GRID2IP: variants seen among roughly 807,000 people sequenced by gnomAD.
The protein encoded by GRID2IP is delphilin.
A neutral mutation model predicts 114.3 loss-of-function variants in GRID2IP; 78 were observed. That is an observed-to-expected ratio of 0.68 (90% CI 0.57 to 0.82). GRID2IP has a LOEUF of 0.82. Ranked by LOEUF, GRID2IP falls within the 40% of genes least tolerant of loss-of-function variation. The probability of loss-of-function intolerance (pLI) is 0.00; values close to 1 mark genes in which losing one functional copy is unlikely to be tolerated. For missense variants in GRID2IP, 1,727 were observed against 1,678.5 expected, an observed-to-expected ratio of 1.03 and a Z score of -0.51; for synonymous variants, 809 against 724.0, an observed-to-expected ratio of 1.12 and a Z score of -1.89.
chr7:6,526,978 G>C lies in GRID2IP; in HGVS notation c.585-209C>G, dbSNP rs969225963. Among the ~76,000 whole-genome samples the C allele has an allele frequency of 1.3e-5, 2 of 152,164 alleles. No homozygotes were observed. Among genetic ancestry groups the C allele is most frequent in the Non-Finnish European group, 2.9e-5 (2 of 68,024 alleles). ...GATTTGCGCCCCCAGCTAGGACTTGGCGTCCTGCTCGCTTCACCTCGGGAA... is the reference window on the plus strand; with the variant it reads ...GATTTGCGCCCCCAGCTAGGACTTGCCGTCCTGCTCGCTTCACCTCGGGAA... On this transcript the variant is annotated intron_variant, in intron 2 of 21. Transcript: ENST00000457091. This position sits in a 1 kb window ranked among gnomAD's most constrained non-coding sequence, Gnocchi z 7.6.
rs369771068 is a variant in GRID2IP at position 6,538,089 on chromosome 7, C to T, written c.584+1629G>A. Among the ~76,000 whole-genome samples, 54 of 152,208 alleles carry T rather than the reference C, an allele frequency of 3.5e-4. 1 individual carries two copies. The South Asian group carries it at 0.011, about 30-fold the overall frequency. On this transcript the variant is annotated intron_variant, in intron 2 of 21. Transcript: ENST00000457091. Reference sequence around the variant, plus strand: ...ACATTCATCATCATCACCAAAGGGTCGGGCACCGTGGCTCATGCCTGTAAC... The same window carrying T: ...ACATTCATCATCATCACCAAAGGGTTGGGCACCGTGGCTCATGCCTGTAAC...
chr7:6,515,193 G>A (rs2347781), intron 7 of GRID2IP, among the ~76,000 whole-genome samples: 70,473 of 151,976 alleles, frequency 0.46, 16,968 homozygotes, highest in Non-Finnish European at 0.5. Flanking sequence ...CTGGCGTGGC[G>A]GCTCACGCCT....
chr7:6,531,254 C>T lies in GRID2IP; in HGVS notation c.585-4485G>A, dbSNP rs544256474. 266 of 414,362 alleles carry T rather than the reference C, an allele frequency of 6.4e-4. 3 individuals are homozygous for T. Among genetic ancestry groups the T allele is most frequent in the African/African-American group, 4.0e-3 (194 of 48,518 alleles). 25.7% of individuals were successfully genotyped at this position (414,362 alleles called of 1,614,324 possible). ...GTCCCGGCCCGCAGCCCCGCCCTGGCCCCTTTTGGTGGCCCCGCCCCCTCC... is the reference window on the plus strand; with the variant it reads ...GTCCCGGCCCGCAGCCCCGCCCTGGTCCCTTTTGGTGGCCCCGCCCCCTCC... On this transcript the variant is annotated intron_variant, in intron 2 of 21. Transcript: ENST00000457091.
chr7:6,551,106 G>C lies in GRID2IP; in HGVS notation c.331C>G (p.Leu111Val). ...CGAAGCAGCTCACGGCCCAGAGCTA[G>C]GCCGCGGCCGCACCGCGGGGCCCGC... ...VLRAPRCGRG[L>V]ALGRELLRLA... Residue 111 changes from leucine to valine, a missense_variant, in exon 1 of 22, where the codon CTA (leucine) becomes GTA (valine). Leu to Val is a conservative substitution (Grantham distance 32, BLOSUM62 1). Coordinates refer to ENST00000457091, the MANE Select transcript of GRID2IP (RefSeq NM_001145118.2). 7.7e-7 allele frequency: 1 copy of C among 1,300,148 alleles called. No homozygotes were observed. The highest frequency in any genetic ancestry group is 9.7e-7 in the Non-Finnish European group (1 of 1,028,374). 80.5% of individuals were successfully genotyped at this position (1,300,148 alleles called of 1,614,324 possible).
chr7:6,540,072 T>G, intron 1 of GRID2IP, among the ~76,000 whole-genome samples, 200 bp from the exon 2 acceptor site: 1 of 151,370 alleles, frequency 6.6e-6, no homozygotes, highest in African/African-American at 2.4e-5. Context: ...CCTTCCTCCC[T>G]TCCTTCTTCC....
intron 16 of GRID2IP, 63 bp from the exon 17 acceptor site, chr7:6,503,226 G>C: frequency 7.4e-7 from 1 of 1,359,458 alleles, no homozygotes; most frequent in Non-Finnish European, 9.8e-7. Flanking sequence ...CCCCACCGCA[G>C]GCTTTGGGGT....
Position 6,506,039 on chromosome 7 carries a change from C to A in GRID2IP, c.2545-132G>T. The A allele has an allele frequency of 1.6e-6, 1 of 643,404 alleles. No individual in the cohort carries two copies. Among genetic ancestry groups the A allele is most frequent in the Non-Finnish European group, 2.7e-6 (1 of 364,142 alleles). 39.9% of individuals were successfully genotyped at this position (643,404 alleles called of 1,614,324 possible). A position where few individuals can be genotyped will look rare whatever the true frequency, so the allele number is the denominator to read the frequency against. Reference sequence around the variant, plus strand: ...CACCCATCAGGTGCTGGGATAAAGCCCGGAGCAGGAGGAGACTGCAGGAGA... The same window carrying A: ...CACCCATCAGGTGCTGGGATAAAGCACGGAGCAGGAGGAGACTGCAGGAGA... On this transcript the variant is annotated intron_variant, in intron 13 of 21. Transcript: ENST00000457091. The surrounding 1 kb of genome is among the most constrained non-coding windows in gnomAD (Gnocchi z 5.2).
At position 6,520,598 on chromosome 7, in the gene GRID2IP, G is replaced by A. The variant is rs767509494; in HGVS notation, c.1248C>T (p.Leu416=). The change falls in exon 7 of 22, where the codon CTC becomes CTT. Residue 416 remains leucine, a synonymous_variant. Transcript: ENST00000457091. The surrounding 1 kb of genome is among the most constrained non-coding windows in gnomAD (Gnocchi z 4.6). ...PPERYGVCRA[L]ESFFQHRNID... is the part of the protein sequence containing the mutation. ...GCCACCTGTGCTGGAAGAAGCTCTC[G>A]AGGGCCCGGCAGACCCCATAGCGCT... is the stretch of plus-strand genomic sequence containing the variant. The A allele has an allele frequency of 1.7e-5, 27 of 1,551,252 alleles. No individual in the cohort carries two copies. The Middle Eastern group carries it at 5.0e-4, about 29-fold the overall frequency.
At chr7:6,524,430 TC>T (rs1779469171) in intron 4 of GRID2IP, among the ~76,000 whole-genome samples, 1 of 152,102 alleles carries the variant, frequency 6.6e-6, no homozygotes, top group African/African-American at 2.4e-5. Flanking sequence ...GAGGGAGAAT[TC>T]AATTCAGCTC....
At position 6,536,682 on chromosome 7, in the gene GRID2IP, G is replaced by A. The variant is rs895173508; in HGVS notation, c.584+3036C>T. The A allele has an allele frequency of 2.1e-4, 134 of 649,702 alleles. No individual in the cohort carries two copies. Among genetic ancestry groups the A allele is most frequent in the Non-Finnish European group, 3.4e-4 (120 of 352,052 alleles). 40.2% of individuals were successfully genotyped at this position (649,702 alleles called of 1,614,324 possible). A position where few individuals can be genotyped will look rare whatever the true frequency, so the allele number is the denominator to read the frequency against. ...GCTGGCCCATCCCTGGTGGGGAGGG[G>A]CGGGACGGGGGGCTGCCTGTCAATC... On this transcript the variant is annotated intron_variant, in intron 2 of 21. Coordinates refer to ENST00000457091, the MANE Select transcript of GRID2IP (RefSeq NM_001145118.2). This position sits in a 1 kb window ranked among gnomAD's most constrained non-coding sequence, Gnocchi z 5.3.
chr7:6,540,931 G>T (rs556362380), intron 1 of GRID2IP, among the ~76,000 whole-genome samples: 1 of 151,964 alleles, frequency 6.6e-6, no homozygotes, highest in East Asian at 1.9e-4. Context: ...CCACCTCCTG[G>T]GCTCAAGTGA....
intron 8 of GRID2IP, among the ~76,000 whole-genome samples, chr7:6,511,433 T>C (rs966300656): frequency 3.3e-5 from 5 of 151,870 alleles, no homozygotes; most frequent in Non-Finnish European, 1.5e-5. Context: ...AGTGCAGTGG[T>C]GCAATCTCAG....
rs1779386296 is a variant in GRID2IP, at chr7:6,520,169, T to A, written c.1268+409A>T. On this transcript the variant is annotated intron_variant, in intron 7 of 21. Coordinates refer to ENST00000457091, the MANE Select transcript of GRID2IP (RefSeq NM_001145118.2). This position sits in a 1 kb window ranked among gnomAD's most constrained non-coding sequence, Gnocchi z 4.6. ...TTAGCCGGGTGTGGTGGTGGGCACCTGTAATCCCAGCTACTCGGAGGCTGA... is the reference window on the plus strand; with the variant it reads ...TTAGCCGGGTGTGGTGGTGGGCACCAGTAATCCCAGCTACTCGGAGGCTGA... 6.6e-6 allele frequency among the ~76,000 whole-genome samples: 1 copy of A among 152,054 alleles called. No individual in the cohort carries two copies.
intron 2 of GRID2IP, among the ~76,000 whole-genome samples, chr7:6,530,040 G>C (rs1175050600): frequency 2.7e-5 from 4 of 149,764 alleles, no homozygotes; most frequent in African/African-American, 9.9e-5. Context: ...CTCACTGCAA[G>C]CTCCGCCTCC....
intron 1 of GRID2IP, among the ~76,000 whole-genome samples, chr7:6,545,134 T>C (rs1779868055): frequency 6.6e-6 from 1 of 151,432 alleles, no homozygotes; most frequent in Admixed American, 6.6e-5. Flanking sequence ...TAGCCAGATA[T>C]GGTGGTGCAC....
intron 2 of GRID2IP, 145 bp downstream of exon 2, chr7:6,539,573 G>T: frequency 1.3e-6 from 1 of 775,688 alleles, no homozygotes; most frequent in Non-Finnish European, 2.0e-6. Context: ...GGGGCTTGCA[G>T]TTATGTTGCG....
intron 1 of GRID2IP, 32 bp downstream of exon 1, chr7:6,550,976 T>TAACC: frequency 4.9e-6 from 5 of 1,015,776 alleles, no homozygotes; most frequent in Non-Finnish European, 3.7e-6. Flanking sequence ...GCCCCCTCCT[T>TAACC]CCCGCCCCCA....
At chr7:6,529,232 C>G (rs533458991) in intron 2 of GRID2IP, among the ~76,000 whole-genome samples, 1 of 152,032 alleles carries the variant, frequency 6.6e-6, no homozygotes, top group Non-Finnish European at 1.5e-5. Context: ...AGGCAGATTA[C>G]CTGAGGTCAG....
intron 20 of GRID2IP, among the ~76,000 whole-genome samples, 167 bp downstream of exon 20, chr7:6,501,614 C>T (rs1176448021): frequency 6.6e-6 from 1 of 152,056 alleles, no homozygotes; most frequent in African/African-American, 2.4e-5. Flanking sequence ...ATCAATCAAT[C>T]AACAACCCAG....
Sources: allele counts gnomAD v4.1 joint callset (sites outside exome capture counted in the v4.1 genomes callset), GRCh38; gene constraint gnomAD v4.1.1; non-coding constraint Gnocchi (gnomAD v3.1); transcripts MANE v1.5; gene names NCBI Gene and HGNC (gene_info 2026-07-23, HGNC 2026-07-21).